The following AXDND1 variants were observed in gnomAD, a reference collection of about 807,000 sequenced individuals.
The protein encoded by AXDND1 is axonemal dynein light chain domain-containing protein 1.
In AXDND1, 110 loss-of-function variants were observed where a neutral mutation model predicts 137.5. The ratio of observed to expected loss-of-function variants is 0.80; its 90% CI spans 0.69 to 0.94. The LOEUF (loss-of-function observed/expected upper bound fraction) is 0.94. Ranked by LOEUF, AXDND1 falls within the 40% of genes least tolerant of loss-of-function variation. The probability of loss-of-function intolerance (pLI) is 0.00; values close to 1 mark genes in which losing one functional copy is unlikely to be tolerated. For synonymous variants in AXDND1, 414 were observed against 399.7 expected (o/e 1.04, Z -0.43); for missense variants, 1,191 against 1,169.8 (o/e 1.02, Z -0.26).
intron 20 of AXDND1, chr1:179,506,731 A>G (rs1668574232): frequency 2.3e-6 from 1 of 428,274 alleles, no homozygotes; most frequent in African/African-American, 2.2e-5. Flanking sequence ...CTCTGTGTCA[A>G]AAAAACAAAA....
chr1:179,509,284 A>G lies in AXDND1; in HGVS notation c.2389-12A>G, dbSNP rs761314006. On this transcript the variant is annotated splice_polypyrimidine_tract_variant and intron_variant, in intron 20 of 25. Transcript: ENST00000367618. ...CTGGTTTTTCTGCTTGTAATCTTTT[A>G]TCTCTTCTCAGAAAGAATGTTATGA... The G allele has an allele frequency of 5.1e-6, 8 of 1,566,262 alleles. No individual in the cohort carries two copies. In the Admixed American group the frequency reaches 8.7e-5, roughly 17 times the overall value.
chr1:179,379,686 C>T (rs1414694546), intron 6 of AXDND1, among the ~76,000 whole-genome samples: 2 of 150,568 alleles, frequency 1.3e-5, no homozygotes, highest in Non-Finnish European at 2.9e-5. Flanking sequence ...ATCCCAGCTA[C>T]TGGGGAGGCT....
intron 25 of AXDND1, 69 bp downstream of exon 25, chr1:179,535,031 A>G (rs1671398435): frequency 1.3e-6 from 2 of 1,592,624 alleles, no homozygotes; most frequent in South Asian, 1.1e-5. Context: ...TGGGCCACAA[A>G]TATTGTAGAA....
intron 12 of AXDND1, among the ~76,000 whole-genome samples, chr1:179,417,821 A>G (rs113262413): frequency 0.018 from 2,677 of 152,116 alleles, 64 homozygotes; most frequent in African/African-American, 0.059. Context: ...CCATTTAACA[A>G]TATTAGTTCT....
At chr1:179,445,771 C>T (rs1372447791) in intron 16 of AXDND1, among the ~76,000 whole-genome samples, 1 of 152,070 alleles carries the variant, frequency 6.6e-6, no homozygotes, top group Non-Finnish European at 1.5e-5. Context: ...TGGGTTGTTT[C>T]CACTTTTTGA....
intron 16 of AXDND1, chr1:179,456,523 C>A: frequency 1.3e-6 from 1 of 775,294 alleles, no homozygotes; most frequent in South Asian, 1.3e-5. Context: ...CTTCCATAAC[C>A]CTGTCCAACA....
chr1:179,554,365 C>T, intron 25 of AXDND1, 147 bp from the exon 26 acceptor site: 1 of 1,234,936 alleles, frequency 8.1e-7, no homozygotes, highest in Non-Finnish European at 1.2e-6. Flanking sequence ...TAAATTTATG[C>T]TGATATGGCT....
intron 11 of AXDND1, among the ~76,000 whole-genome samples, chr1:179,402,170 A>C (rs926915947): frequency 2.0e-5 from 3 of 149,582 alleles, no homozygotes; most frequent in African/African-American, 2.5e-5. Context: ...GTCTCAAAAA[A>C]AAAAAAAAAA....
intron 21 of AXDND1, among the ~76,000 whole-genome samples, chr1:179,511,563 T>C (rs895147754): frequency 1.3e-5 from 2 of 152,144 alleles, no homozygotes; most frequent in Admixed American, 6.5e-5. Flanking sequence ...CTTCTTTTCC[T>C]CTGGGTAGAT....
At chr1:179,368,728 G>C in intron 2 of AXDND1, 72 bp from the exon 3 acceptor site, 1 of 1,213,916 alleles carries the variant, frequency 8.2e-7, no homozygotes, top group Non-Finnish European at 1.2e-6. Context: ...GGATTGATGA[G>C]GCAGTCTGAG....
chr1:179,530,108 C>T (rs564251178), intron 23 of AXDND1, among the ~76,000 whole-genome samples: 2 of 152,260 alleles, frequency 1.3e-5, no homozygotes, highest in Admixed American at 1.3e-4. Context: ...CGGCTCACTG[C>T]AACCTCTGCC....
At chr1:179,515,275 G>C (rs950183244) in intron 21 of AXDND1, among the ~76,000 whole-genome samples, 1 of 152,020 alleles carries the variant, frequency 6.6e-6, no homozygotes, top group South Asian at 2.1e-4. Context: ...TGGTAGTGGC[G>C]AATTCTCTCA....
At position 179,551,317 on chromosome 1, in the gene AXDND1, G is replaced by A. The variant is rs756095816; in HGVS notation, c.3032-3195G>A. The A allele has an allele frequency of 9.3e-6, 15 of 1,614,062 alleles. No individual in the cohort carries two copies. The highest frequency in any genetic ancestry group is 1.3e-5 in the Non-Finnish European group (15 of 1,180,032). ...CAAATGGCAAAGGTAAAACCACAGT[G>A]GAAGGCTTCTCTGTGGACAGAGACT... is the stretch of plus-strand genomic sequence containing the variant. On this transcript the variant is annotated intron_variant, in intron 25 of 25. Transcript: ENST00000367618.
intron 17 of AXDND1, among the ~76,000 whole-genome samples, chr1:179,480,273 A>C (rs1473347296): frequency 1.3e-5 from 2 of 152,180 alleles, no homozygotes; most frequent in African/African-American, 4.8e-5. Flanking sequence ...ATGGCTGGGG[A>C]GGCCTCATAA....
At chr1:179,372,073 T>A (rs1465194569) in intron 4 of AXDND1, among the ~76,000 whole-genome samples, 1 of 152,172 alleles carries the variant, frequency 6.6e-6, no homozygotes, top group Non-Finnish European at 1.5e-5. Context: ...GATGCTAAAT[T>A]TGTGGTAATT....
chr1:179,509,897 G>A (rs1429936009), intron 21 of AXDND1, among the ~76,000 whole-genome samples: 1 of 152,156 alleles, frequency 6.6e-6, no homozygotes, highest in Non-Finnish European at 1.5e-5. Context: ...CCTTGACCTT[G>A]TCTCTCTGCT....
chr1:179,444,962 C>T lies in AXDND1; in HGVS notation c.1564-8C>T. 6.4e-7 allele frequency: 1 copy of T among 1,573,042 alleles called. No individual in the cohort carries two copies. The highest frequency in any genetic ancestry group is 8.7e-7 in the Non-Finnish European group (1 of 1,144,642). ...TATGCTACTCTCCCTCTTCCTTTCA[C>T]TCTTTAGATCCTGAATGAGAAAAAA... On this transcript the variant is annotated splice_polypyrimidine_tract_variant and splice_region_variant and intron_variant, in intron 15 of 25. Transcript: ENST00000367618.
chr1:179,476,181 T>C (rs72721229), intron 17 of AXDND1, among the ~76,000 whole-genome samples: 14,078 of 152,182 alleles, frequency 0.093, 917 homozygotes, highest in African/African-American at 0.17. Context: ...GTAGAATTGG[T>C]GTAATACAAT....
chr1:179,550,987 C>T, intron 25 of AXDND1: 2 of 689,582 alleles, frequency 2.9e-6, no homozygotes, highest in Non-Finnish European at 4.9e-6. Flanking sequence ...AACATGTTGT[C>T]TGCCTTCTCT....
Sources: gnomAD v4.1 joint callset for allele counts (sites outside exome capture counted in the v4.1 genomes callset) on GRCh38, gnomAD v4.1.1 for gene constraint, MANE v1.5 for transcripts, NCBI Gene and HGNC (gene_info 2026-07-23, HGNC 2026-07-21) for gene names.